Variants in ST3GAL6 observed in about 807,000 individuals in gnomAD.
The protein encoded by ST3GAL6 is ST3 beta-galactoside alpha-2,3-sialyltransferase 6.
ST3GAL6 carries 31 observed loss-of-function variants against 40.5 expected under a neutral mutation model. That is an observed-to-expected ratio of 0.77 (90% confidence interval 0.58 to 1.03). ST3GAL6 has a LOEUF of 1.03. ST3GAL6 is among the 50% of genes least tolerant of loss of function. ST3GAL6 has a pLI of 0.00. For synonymous variants in ST3GAL6, 129 were observed against 136.9 expected, an observed-to-expected ratio of 0.94 and a Z score of 0.40; for missense variants, 357 against 393.2, an observed-to-expected ratio of 0.91 and a Z score of 0.78.
upstream of ST3GAL6, chr3:98,762,707 C>A: frequency 1.4e-6 from 1 of 700,348 alleles, no homozygotes; most frequent in Non-Finnish European, 1.8e-6. Flanking sequence ...GATTATTTAA[C>A]AGTTCATACT....
intron 6 of ST3GAL6, 109 bp downstream of exon 6, chr3:98,785,149 T>G (rs73136045): frequency 0.16 from 115,896 of 729,642 alleles, 10,112 homozygotes; most frequent in African/African-American, 0.25. Flanking sequence ...CATTTGGTTT[T>G]TTTTTTATTG....
intron 1 of ST3GAL6, among the ~76,000 whole-genome samples, chr3:98,752,703 C>A (rs567046075): frequency 2.0e-5 from 3 of 152,288 alleles, no homozygotes; most frequent in African/African-American, 7.2e-5. Context: ...GATCTCCTGA[C>A]CTCGTGATCT....
At chr3:98,742,309 A>G (rs1936161993) in intron 1 of ST3GAL6, among the ~76,000 whole-genome samples, 1 of 152,204 alleles carries the variant, frequency 6.6e-6, no homozygotes, top group South Asian at 2.1e-4. Context: ...AGTGTTGTCC[A>G]GTAGATTTTA....
At chr3:98,765,406 A>C (rs566383234) in intron 1 of ST3GAL6, among the ~76,000 whole-genome samples, 1 of 152,176 alleles carries the variant, frequency 6.6e-6, no homozygotes, top group Non-Finnish European at 1.5e-5. Context: ...TTCCTCATTC[A>C]TCAAGAAGAC....
chr3:98,763,211 G>C, upstream of ST3GAL6: 2 of 1,212,432 alleles, frequency 1.6e-6, no homozygotes, highest in African/African-American at 3.1e-5. Context: ...TGGAGGTTCT[G>C]TTGTAGATTT....
intron 3 of ST3GAL6, among the ~76,000 whole-genome samples, chr3:98,771,947 T>G (rs1466338846): frequency 6.6e-6 from 1 of 152,188 alleles, no homozygotes; most frequent in East Asian, 1.9e-4. Flanking sequence ...ACTCCAGATG[T>G]ACTGTGTTCT....
At position 98,768,548 on chromosome 3, in the gene ST3GAL6, T is replaced by C. The variant is rs772644479; in HGVS notation, c.89+19T>C. ...TCTATTGGTAAGTTTCATTTTGTTA[T>C]TTAAAAATAACTCTCAACCTAGTCT... On this transcript the variant is annotated intron_variant, in intron 2 of 9. Transcript: ENST00000483910. 1.3e-6 allele frequency: 2 copies of C among 1,564,782 alleles called. No individual in the cohort carries two copies. The highest frequency in any genetic ancestry group is 2.7e-5 in the African/African-American group (2 of 73,856).
At chr3:98,791,728 C>G in intron 8 of ST3GAL6, 113 bp from the exon 9 acceptor site, 7 of 954,770 alleles carry the variant, frequency 7.3e-6, no homozygotes, top group Non-Finnish European at 1.1e-5. Context: ...AGTTATTTCT[C>G]TCCTTATTAA....
intron 1 of ST3GAL6, among the ~76,000 whole-genome samples, chr3:98,745,137 G>C (rs1176157714): frequency 6.6e-6 from 1 of 151,964 alleles, no homozygotes; most frequent in Non-Finnish European, 1.5e-5. Flanking sequence ...GGTTTCAAGC[G>C]ATTCTCCTGC....
rs763970194 is a variant in ST3GAL6 at position 98,791,906 on chromosome 3, T to C, written c.822T>C (p.Val274=). The change falls in exon 9 of 10, where the codon GTT becomes GTC. Residue 274 remains valine (V), a synonymous_variant. Coordinates refer to ENST00000483910, the MANE Select transcript of ST3GAL6 (RefSeq NM_001323368.2). ...ITLAFYICHE[V]HLAGFKYNFS... ...TGGCGTTTTACATATGTCACGAAGT[T>C]CACCTAGCTGGTTTTAAATACAACT... The C allele has an allele frequency of 3.7e-6, 6 of 1,614,078 alleles. No individual in the cohort carries two copies. The Admixed American group carries it at 1.0e-4, about 27-fold the overall frequency.
Position 98,791,989 on chromosome 3 carries a change from A to G in ST3GAL6, c.905A>G (p.Asn302Ser). 6.2e-7 allele frequency: 1 copy of G among 1,612,886 alleles called. No individual in the cohort carries two copies. The highest frequency in any genetic ancestry group is 1.7e-5 in the Admixed American group (1 of 59,888). ...YYGNATMSLM[N>S]KNAYHNVTAE... ...GGGAATGCCACCATGTCTTTGATGA[A>G]TAAGGTAATATACTGTACTTTAGGT... is the stretch of plus-strand genomic sequence containing the variant. The change falls in exon 9 of 10, where the codon AAT (asparagine) becomes AGT (serine). Residue 302 changes from asparagine to serine, a missense_variant. By Grantham distance (46) the Asn-to-Ser change is conservative. Coordinates refer to ENST00000483910, the MANE Select transcript of ST3GAL6 (RefSeq NM_001323368.2).
At chr3:98,787,845 C>G (rs972693952) in intron 6 of ST3GAL6, among the ~76,000 whole-genome samples, 191 bp from the exon 7 acceptor site, 2 of 152,202 alleles carry the variant, frequency 1.3e-5, no homozygotes, top group Admixed American at 1.3e-4. Flanking sequence ...TGCCTTTGAT[C>G]AACCAACTAT....
At chr3:98,790,330 T>TA (rs1253778531) in intron 8 of ST3GAL6, among the ~76,000 whole-genome samples, 25 of 152,172 alleles carry the variant, frequency 1.6e-4, no homozygotes, top group African/African-American at 5.8e-4. Context: ...TTGCTGAAGT[T>TA]ACATCTCATC....
Position 98,787,333 on chromosome 3 carries a change from A to G in ST3GAL6, c.432-703A>G, listed in dbSNP as rs1940822522. On this transcript the variant is annotated intron_variant, in intron 6 of 9. Transcript: ENST00000483910. The stretch of plus-strand genomic sequence containing the variant: ...TCTTATATTACGTAGAGTCAGTAGC[A>G]AAGGGCAAAACAGTATTTATCTCTT... Among the ~76,000 whole-genome samples the G allele has an allele frequency of 1.3e-5, 2 of 152,200 alleles. 1 individual carries two copies. Among genetic ancestry groups the G allele is most frequent in the South Asian group, 4.1e-4 (2 of 4,834 alleles).
chr3:98,760,935 AAAAGTATTATGTT>A (rs1255649972), upstream of ST3GAL6, among the ~76,000 whole-genome samples: 26 of 152,226 alleles, frequency 1.7e-4, no homozygotes, highest in Non-Finnish European at 3.5e-4. Context: ...CATTTTTTTA[AAAAGTATTATGTT>A]AATTGACAGA....
rs536008156 is a variant in ST3GAL6, at chr3:98,794,393, A to G, written c.*632A>G. On this transcript the variant is annotated 3_prime_UTR_variant, in exon 10 of 10. Transcript: ENST00000483910. ...ACTAAAGAAAGAATACAATTACTAA[A>G]CTCTGATGGCTTTGTATTATTTTAA... 8.6e-5 allele frequency: 13 copies of G among 151,850 alleles called. No homozygotes were observed. Among genetic ancestry groups the G allele is most frequent in the Admixed American group, 7.2e-4 (11 of 15,232 alleles). The allele number at this position is 151,850 out of a possible 1,614,324, so 9.4% of individuals were successfully genotyped here.
At chr3:98,759,973 C>CA (rs1278792240), upstream of ST3GAL6, among the ~76,000 whole-genome samples, 1 of 151,650 alleles carries the variant, frequency 6.6e-6, no homozygotes, top group Non-Finnish European at 1.5e-5. Context: ...GAATTAAAAA[C>CA]AAAAAACAAA....
intron 1 of ST3GAL6, among the ~76,000 whole-genome samples, chr3:98,755,303 C>T (rs1413015837): frequency 6.6e-6 from 1 of 152,190 alleles, no homozygotes; most frequent in Non-Finnish European, 1.5e-5. Context: ...GCCTCAGCCT[C>T]CCACAGTGCT....
intron 8 of ST3GAL6, among the ~76,000 whole-genome samples, chr3:98,790,204 T>C (rs1300334743): frequency 1.6e-5 from 1 of 63,062 alleles, no homozygotes; most frequent in Non-Finnish European, 3.8e-5. Flanking sequence ...TCTGTGTATA[T>C]GCTGAAGGGA....
Sources: gnomAD v4.1 joint callset for allele counts (sites outside exome capture counted in the v4.1 genomes callset) on GRCh38, gnomAD v4.1.1 for gene constraint, MANE v1.5 for transcripts, NCBI Gene and HGNC (gene_info 2026-07-23, HGNC 2026-07-21) for gene names.